The following MIB2 variants were observed in gnomAD, a reference collection of about 807,000 sequenced individuals.
The protein encoded by MIB2 is MIB E3 ubiquitin protein ligase 2, also known as E3 ubiquitin-protein ligase MIB2.
Under a neutral mutation model 96.6 loss-of-function variants are expected in MIB2, and 78 were observed. The ratio of observed to expected loss-of-function variants is 0.81; its 90% CI spans 0.67 to 0.97. The LOEUF (loss-of-function observed/expected upper bound fraction) is 0.97. Ranked by LOEUF, MIB2 falls within the 50% of genes least tolerant of loss-of-function variation. MIB2 has a pLI of 0.00. For synonymous variants in MIB2, 820 were observed against 629.5 expected (o/e 1.30, Z -4.53); for missense variants, 1,543 against 1,424.0 (o/e 1.08, Z -1.35).
rs200373195 is a variant in MIB2, at chr1:1,627,729, T to C, written c.1580T>C (p.Ile527Thr). 9.1e-4 allele frequency: 1,453 copies of C among 1,595,872 alleles called. 3 individuals are homozygous for C. Among genetic ancestry groups the C allele is most frequent in the Non-Finnish European group, 9.4e-4 (1,110 of 1,178,756 alleles). The change falls in exon 13 of 20, where the codon ATC (isoleucine) becomes ACC (threonine). Residue 527 changes from isoleucine to threonine, a missense_variant. Coordinates refer to ENST00000355826, the MANE Select transcript of MIB2 (RefSeq NM_001170687.4). ...AGTGCTGGGTGCCGGGCGGACGCCA[T>C]CAACAGCACCCAGAGCACAGCACTG... is the stretch of plus-strand genomic sequence containing the variant. ...LLSAGCRADA[I>T]NSTQSTALHV...
intron 5 of MIB2, 35 bp downstream of exon 5, chr1:1,624,936 G>A (rs1644596195): frequency 2.5e-6 from 4 of 1,607,808 alleles, no homozygotes; most frequent in Non-Finnish European, 3.4e-6. Context: ...TCAGGGCTGG[G>A]CTGTGGCTGG....
At chr1:1,616,242 G>T in intron 1 of MIB2, 1 of 464,702 alleles carries the variant, frequency 2.2e-6, no homozygotes, top group Non-Finnish European at 2.9e-6. Context: ...GTTCCCCTGC[G>T]CCGGCGCCCG....
intron 2 of MIB2, chr1:1,617,935 T>G (rs1643899029): frequency 6.6e-6 from 1 of 152,298 alleles, no homozygotes; most frequent in Admixed American, 6.5e-5. Flanking sequence ...CTGACTGAGA[T>G]GAAGATACCC....
Position 1,627,017 on chromosome 1 carries a change from C to T in MIB2, c.1240+18C>T, listed in dbSNP as rs754569876. 13 of 1,608,174 alleles carry T rather than the reference C, an allele frequency of 8.1e-6. No homozygotes were observed. Among genetic ancestry groups the T allele is most frequent in the African/African-American group, 6.7e-5 (5 of 74,888 alleles). On this transcript the variant is annotated intron_variant, in intron 10 of 19. Coordinates refer to ENST00000355826, the MANE Select transcript of MIB2 (RefSeq NM_001170687.4). Reference sequence around the variant, plus strand: ...GAACAAAAGTGCGGCACAGCTCAGGCGGCCAGTGGGAGGTGGGGCTGCCCC... The same window carrying T: ...GAACAAAAGTGCGGCACAGCTCAGGTGGCCAGTGGGAGGTGGGGCTGCCCC...
At chr1:1,615,255 C>A, upstream of MIB2, 3 of 1,085,140 alleles carry the variant, frequency 2.8e-6, no homozygotes, top group Non-Finnish European at 3.7e-6. Context: ...GCGGCAAGTG[C>A]CGCCAGTGCC....
chr1:1,624,798 C>T lies in MIB2; in HGVS notation c.423C>T (p.Val141=), dbSNP rs765190041. ...TTATTTGTGAACCCTCTTGCAGTGT[C>T]ACACTGAGTCCCCGCCAGGGCCTCC... ...DRYETAHSRP[V]TLSPRQGLPR... Residue 141 remains valine, a synonymous_variant, in exon 5 of 20, where the codon GTC becomes GTT. Coordinates refer to ENST00000355826, the MANE Select transcript of MIB2 (RefSeq NM_001170687.4). 15 of 1,612,558 alleles carry T rather than the reference C, an allele frequency of 9.3e-6. No individual in the cohort carries two copies. The Admixed American group carries it at 1.5e-4, about 16-fold the overall frequency.
chr1:1,629,201 G>T lies in MIB2; in HGVS notation c.2271G>T (p.Ala757=), dbSNP rs773718040. The change falls in exon 17 of 20, where the codon GCG becomes GCT. Residue 757 remains alanine, a synonymous_variant. Transcript: ENST00000355826. ...TVGAAVACFL[A]LEGADVSYTN... is the part of the protein sequence containing the mutation. ...GCGCGGCGGTCGCCTGCTTCCTGGC[G>T]CTGGAGGGCGCCGACGTGAGCTACA... 4 of 1,522,448 alleles carry T rather than the reference G, an allele frequency of 2.6e-6. No individual in the cohort carries two copies. Among genetic ancestry groups the T allele is most frequent in the South Asian group, 2.4e-5 (2 of 82,446 alleles). The allele number at this position is 1,522,448 out of a possible 1,614,324, so 94.3% of individuals were successfully genotyped here. A position where few individuals can be genotyped will look rare whatever the true frequency, so the allele number is the denominator to read the frequency against.
chr1:1,624,664 G>A, intron 4 of MIB2, 131 bp from the exon 5 acceptor site: 1 of 838,226 alleles, frequency 1.2e-6, no homozygotes, highest in East Asian at 2.6e-5. Flanking sequence ...CCGGGCAAGA[G>A]CTGGGGCTGC....
In MIB2 at chr1:1,628,533, G is replaced by C. The variant is rs532472569; in HGVS notation, c.2013G>C (p.Pro671=). 6.2e-7 allele frequency: 1 copy of C among 1,600,736 alleles called. No homozygotes were observed. The highest frequency in any genetic ancestry group is 8.5e-7 in the Non-Finnish European group (1 of 1,178,598). ...TGCGCAACCGGAAGCTGCAGTCCCCGCTGCATCTCGCCGTGCAACAGGCCC... is the reference window on the plus strand; with the variant it reads ...TGCGCAACCGGAAGCTGCAGTCCCCCCTGCATCTCGCCGTGCAACAGGCCC... ...VNVRNRKLQS[P]LHLAVQQAHV... is the part of the protein sequence containing the mutation. Residue 671 remains proline (P), a synonymous_variant, in exon 16 of 20, where the codon CCG becomes CCC. Transcript: ENST00000355826.
Position 1,623,846 on chromosome 1 carries a change from G to T in MIB2, c.320G>T (p.Arg107Leu). The T allele has an allele frequency of 6.2e-7, 1 of 1,611,268 alleles. No individual in the cohort carries two copies. The highest frequency in any genetic ancestry group is 8.5e-7 in the Non-Finnish European group (1 of 1,179,276). Residue 107 changes from arginine to leucine, a missense_variant, in exon 4 of 20, where the codon CGT becomes CTT. Transcript: ENST00000355826. The stretch of plus-strand genomic sequence containing the variant: ...CTGCGGGGGATGCGCTGGAAGTGCC[G>T]TGTGTGCCTGGACTACGACCTCTGC... ...HGLRGMRWKC[R>L]VCLDYDLCTQ...
intron 2 of MIB2, chr1:1,617,530 T>G (rs1406238644): frequency 6.6e-6 from 1 of 152,154 alleles, no homozygotes; most frequent in East Asian, 1.9e-4. Context: ...ATGCTAAATG[T>G]GTGACACTGC....
intron 2 of MIB2, 144 bp from the exon 3 acceptor site, chr1:1,623,287 T>C: frequency 7.2e-7 from 1 of 1,381,278 alleles, no homozygotes. Context: ...GCCCTAGGGC[T>C]TGAACCAGCC....
In MIB2 at chr1:1,630,364, G is replaced by T. The variant is rs774587191; in HGVS notation, c.2702G>T (p.Arg901Leu). 52 of 1,542,894 alleles carry T rather than the reference G, an allele frequency of 3.4e-5. No individual in the cohort carries two copies. The highest frequency in any genetic ancestry group is 4.4e-5 in the Non-Finnish European group (50 of 1,146,230). Reference protein sequence around the residue: ...PRQLVEELQSRYRQMEERITC... With the variant: ...PRQLVEELQSLYRQMEERITC... ...CAGCTGGTGGAGGAGCTGCAGAGCC[G>T]CTACCGGCAGATGGAGGAACGCATC... The change falls in exon 20 of 20, where the codon CGC becomes CTC. Residue 901 changes from arginine (R) to leucine (L), a missense_variant. Physicochemically the swap from Arg to Leu is moderately radical, Grantham distance 102. Coordinates refer to ENST00000355826, the MANE Select transcript of MIB2 (RefSeq NM_001170687.4).
chr1:1,615,641 C>T lies in MIB2; in HGVS notation c.-130+8C>T. 2 of 1,575,130 alleles carry T rather than the reference C, an allele frequency of 1.3e-6. No individual in the cohort carries two copies. The highest frequency in any genetic ancestry group is 2.3e-5 in the South Asian group (2 of 86,016). ...CCGTCCTCTCGGCTGATGGTGCGTG[C>T]GGGCGCGGATCTCCTCCCCTGGTCC... On this transcript the variant is annotated splice_region_variant and intron_variant, in intron 1 of 19. Transcript: ENST00000355826.
intron 19 of MIB2, 75 bp downstream of exon 19, chr1:1,629,779 C>A: frequency 4.3e-6 from 6 of 1,384,788 alleles, no homozygotes; most frequent in Non-Finnish European, 5.7e-6. Flanking sequence ...CCCACCCCTT[C>A]CCTCCCACAC....
chr1:1,623,287 T>G, intron 2 of MIB2, 144 bp from the exon 3 acceptor site: 3 of 1,381,278 alleles, frequency 2.2e-6, no homozygotes, highest in Non-Finnish European at 2.9e-6. Flanking sequence ...GCCCTAGGGC[T>G]TGAACCAGCC....
intron 19 of MIB2, among the ~76,000 whole-genome samples, chr1:1,629,925 T>C (rs1317471763): frequency 1.1e-5 from 1 of 87,832 alleles, no homozygotes; most frequent in Non-Finnish European, 2.3e-5. Flanking sequence ...AACACCCTCC[T>C]CCCCCATCAC....
intron 2 of MIB2, among the ~76,000 whole-genome samples, chr1:1,621,412 A>T (rs1452124977): frequency 6.6e-6 from 1 of 152,182 alleles, no homozygotes; most frequent in Non-Finnish European, 1.5e-5. Flanking sequence ...TGCCCACGGG[A>T]CCCCTCTCCT....
chr1:1,620,968 T>C (rs1365146359), intron 2 of MIB2, among the ~76,000 whole-genome samples: 1 of 152,238 alleles, frequency 6.6e-6, no homozygotes, highest in Non-Finnish European at 1.5e-5. Context: ...CACCTGGACA[T>C]GCTCTGGGTG....
Sources: allele counts gnomAD v4.1 joint callset (sites outside exome capture counted in the v4.1 genomes callset), GRCh38; gene constraint gnomAD v4.1.1; transcripts MANE v1.5; gene names NCBI Gene and HGNC (gene_info 2026-07-23, HGNC 2026-07-21).